Variants in CPNE2 observed in about 807,000 individuals in gnomAD.
The protein encoded by CPNE2 is copine-2.
A neutral mutation model predicts 69.7 loss-of-function variants in CPNE2; 42 were observed. That is an observed-to-expected ratio of 0.60 (90% confidence interval 0.47 to 0.78). The LOEUF is 0.78. Ranked by LOEUF, CPNE2 falls within the 30% of genes least tolerant of loss-of-function variation. The pLI is 0.00. For synonymous variants in CPNE2, 294 were observed against 289.8 expected, an observed-to-expected ratio of 1.01 and a Z score of -0.15; for missense variants, 587 against 732.0, an observed-to-expected ratio of 0.80 and a Z score of 2.29.
Position 57,115,472 on chromosome 16 carries a change from C to G in CPNE2, c.361-4C>G, listed in dbSNP as rs1215695229. 3.1e-6 allele frequency: 5 copies of G among 1,611,068 alleles called. No homozygotes were observed. Among genetic ancestry groups the G allele is most frequent in the Admixed American group, 1.7e-5 (1 of 59,778 alleles). On this transcript the variant is annotated splice_polypyrimidine_tract_variant and splice_region_variant and intron_variant, in intron 3 of 15. Transcript: ENST00000290776. ...CTGAGCGCCCTTTCTCCTCTCTCCC[C>G]TAGATCGTCTCCAGCAAGAAGATCA...
chr16:57,121,622 C>A, intron 8 of CPNE2, 52 bp from the exon 9 acceptor site: 1 of 1,544,118 alleles, frequency 6.5e-7, no homozygotes, highest in Non-Finnish European at 8.9e-7. Flanking sequence ...GGAGGAGGAT[C>A]TGTTTCCAAA....
At position 57,092,730 on chromosome 16, in the gene CPNE2, G is replaced by A. The variant is rs1217182272; in HGVS notation, c.-96G>A. ...GAGCAGCTCCCGGGGATGCCCGGGC[G>A]GCTCGGAGCGCGGGCAGCGGCAGCC... On this transcript the variant is annotated 5_prime_UTR_variant, in exon 1 of 16. Transcript: ENST00000290776. The surrounding 1 kb of genome is among the most constrained non-coding windows in gnomAD (Gnocchi z 5.3). 2.7e-5 allele frequency: 4 copies of A among 150,540 alleles called. No homozygotes were observed. Among genetic ancestry groups the A allele is most frequent in the African/African-American group, 4.9e-5 (2 of 41,198 alleles). 9.3% of individuals were successfully genotyped at this position (150,540 alleles called of 1,614,324 possible).
chr16:57,115,922 C>T (rs2069716226), intron 4 of CPNE2, among the ~76,000 whole-genome samples: 1 of 152,254 alleles, frequency 6.6e-6, no homozygotes, highest in Non-Finnish European at 1.5e-5. Flanking sequence ...TGGAGATGCA[C>T]AGGCCCTTCG....
chr16:57,114,445 CCCACCTCTCA>C (rs2069702844), intron 3 of CPNE2, among the ~76,000 whole-genome samples: 1 of 152,158 alleles, frequency 6.6e-6, no homozygotes, highest in Admixed American at 6.5e-5. Context: ...AACGGGGGCC[CCCACCTCTCA>C]CGCCACCTGC....
At chr16:57,134,018 G>A (rs1237878952) in intron 12 of CPNE2, among the ~76,000 whole-genome samples, 1 of 152,158 alleles carries the variant, frequency 6.6e-6, no homozygotes, top group Non-Finnish European at 1.5e-5. Context: ...GGTTCTGCAG[G>A]CACTGCAGTC....
At chr16:57,135,805 C>T (rs1331334770) in intron 13 of CPNE2, among the ~76,000 whole-genome samples, 5 of 141,500 alleles carry the variant, frequency 3.5e-5, no homozygotes, top group Non-Finnish European at 7.5e-5. Context: ...ACCCAGGTGG[C>T]AGAGGTTGCA....
intron 2 of CPNE2, 155 bp from the exon 3 acceptor site, chr16:57,113,133 G>T: frequency 1.5e-6 from 1 of 674,052 alleles, no homozygotes; most frequent in Non-Finnish European, 2.5e-6. Flanking sequence ...CAGTGTCCTT[G>T]TCTGTGAGCT....
intron 1 of CPNE2, among the ~76,000 whole-genome samples, chr16:57,101,663 C>T (rs936674207): frequency 6.6e-6 from 1 of 152,254 alleles, no homozygotes; most frequent in African/African-American, 2.4e-5. Context: ...CACATTGCAA[C>T]TTCTGATCTG....
chr16:57,131,636 C>T (rs573838678), intron 12 of CPNE2, among the ~76,000 whole-genome samples: 45 of 152,336 alleles, frequency 3.0e-4, no homozygotes, highest in African/African-American at 1.0e-3. Flanking sequence ...GAGTGCCCGG[C>T]GGTGCCAAGA....
chr16:57,144,000 T>C (rs1225430805), intron 14 of CPNE2: 1 of 152,392 alleles, frequency 6.6e-6, no homozygotes, highest in Non-Finnish European at 1.5e-5. Context: ...TCTACCTATC[T>C]GCTTAGGTGT....
At chr16:57,125,750 G>A in intron 10 of CPNE2, 110 bp from the exon 11 acceptor site, 1 of 1,353,968 alleles carries the variant, frequency 7.4e-7, no homozygotes, top group East Asian at 2.3e-5. Flanking sequence ...GGGGAGGGCT[G>A]GGAGATGAGT....
At chr16:57,124,313 C>A in intron 10 of CPNE2, 1 of 440,900 alleles carries the variant, frequency 2.3e-6, no homozygotes. Flanking sequence ...AACTCCTGGG[C>A]TCAAGCGATC....
At position 57,113,464 on chromosome 16, in the gene CPNE2, C is replaced by T; in HGVS notation, c.357C>T (p.Gly119=). Residue 119 remains glycine, a synonymous_variant, in exon 3 of 16, where the codon GGC becomes GGT. Coordinates refer to ENST00000290776, the MANE Select transcript of CPNE2 (RefSeq NM_152727.6). ...TGGGCCAGTTCTCCTGCAGCCTGGG[C>T]ACGGTGAGCTGGGCCCTCCTGGGTG... The part of the protein sequence containing the change: ...DFLGQFSCSL[G]TIVSSKKITR... The T allele has an allele frequency of 6.2e-7, 1 of 1,613,350 alleles. No individual in the cohort carries two copies. The highest frequency in any genetic ancestry group is 8.5e-7 in the Non-Finnish European group (1 of 1,179,576).
chr16:57,120,029 T>C (rs1241134326), intron 7 of CPNE2, among the ~76,000 whole-genome samples: 1 of 152,142 alleles, frequency 6.6e-6, no homozygotes, highest in Admixed American at 6.5e-5. Flanking sequence ...TCCCAGCACT[T>C]TGGGAGGCTG....
At chr16:57,112,768 G>A (rs11862476) in intron 2 of CPNE2, 54,897 of 153,038 alleles carry the variant, frequency 0.36, 13,110 homozygotes, top group African/African-American at 0.67. Context: ...CCCGTGGGGA[G>A]TCCCTGACCC....
intron 1 of CPNE2, among the ~76,000 whole-genome samples, chr16:57,104,567 C>T (rs118046600): frequency 0.032 from 4,802 of 152,238 alleles, 208 homozygotes; most frequent in East Asian, 0.21. Context: ...GCCTGACGAG[C>T]CCCCACCTTC....
intron 1 of CPNE2, among the ~76,000 whole-genome samples, chr16:57,097,656 T>C (rs1489986007): frequency 6.6e-6 from 1 of 152,120 alleles, no homozygotes; most frequent in African/African-American, 2.4e-5. Context: ...CACACCTCAG[T>C]CCCTTGGGTG....
chr16:57,096,970 C>T lies in CPNE2; in HGVS notation c.-36+4180C>T, dbSNP rs897425154. Among the ~76,000 whole-genome samples the T allele has an allele frequency of 5.3e-5, 8 of 152,128 alleles. No homozygotes were observed. The East Asian group carries it at 7.9e-4, about 15-fold the overall frequency. ...GCTGGGGAACAGGTAGAGGAAACAGCGCATGCAAAGGCCCTGTGGTGGGGA... is the reference window on the plus strand; with the variant it reads ...GCTGGGGAACAGGTAGAGGAAACAGTGCATGCAAAGGCCCTGTGGTGGGGA... On this transcript the variant is annotated intron_variant, in intron 1 of 15. Transcript: ENST00000290776.
intron 1 of CPNE2, among the ~76,000 whole-genome samples, chr16:57,099,885 C>T (rs1161063275): frequency 6.6e-6 from 1 of 150,934 alleles, no homozygotes; most frequent in Non-Finnish European, 1.5e-5. Context: ...AAGCGATTCT[C>T]CTGCCTCAGC....
Sources: allele counts gnomAD v4.1 joint callset (sites outside exome capture counted in the v4.1 genomes callset), GRCh38; gene constraint gnomAD v4.1.1; non-coding constraint Gnocchi (gnomAD v3.1); transcripts MANE v1.5; gene names NCBI Gene and HGNC (gene_info 2026-07-23, HGNC 2026-07-21).